The following CACNA2D1 variants were observed in gnomAD, a reference collection of about 807,000 sequenced individuals.
CACNA2D1 encodes the protein voltage-dependent calcium channel subunit alpha-2/delta-1.
Under a neutral mutation model 171.5 loss-of-function variants are expected in CACNA2D1, and 53 were observed. That is an observed-to-expected ratio of 0.31 (90% CI 0.25 to 0.39). CACNA2D1 has a LOEUF of 0.39. Ranked by LOEUF, CACNA2D1 falls within the 10% of genes least tolerant of loss-of-function variation. The probability of loss-of-function intolerance (pLI) is 1.00; values close to 1 mark genes in which losing one functional copy is unlikely to be tolerated. For missense variants in CACNA2D1, 903 were observed against 1,299.8 expected (o/e 0.69, Z 4.69); for synonymous variants, 442 against 443.1 (o/e 1.00, Z 0.03).
At chr7:82,192,860 G>A (rs1032527978) in intron 3 of CACNA2D1, among the ~76,000 whole-genome samples, 4 of 150,654 alleles carry the variant, frequency 2.7e-5, no homozygotes, top group Non-Finnish European at 4.4e-5. Flanking sequence ...GATTGCTCCA[G>A]AATATATTAT....
At chr7:82,405,284 G>GT (rs1826896476) in intron 1 of CACNA2D1, among the ~76,000 whole-genome samples, 1 of 152,082 alleles carries the variant, frequency 6.6e-6, no homozygotes, top group African/African-American at 2.4e-5. Flanking sequence ...CTTTTTAAAT[G>GT]TATGTATCAA....
At chr7:82,094,064 A>G (rs954803565) in intron 6 of CACNA2D1, among the ~76,000 whole-genome samples, 1 of 152,168 alleles carries the variant, frequency 6.6e-6, no homozygotes, top group Non-Finnish European at 1.5e-5. Flanking sequence ...GATATTGTCA[A>G]TGAGGCACAC....
intron 10 of CACNA2D1, among the ~76,000 whole-genome samples, chr7:82,053,696 ATTAT>A (rs575599421): frequency 2.3e-3 from 351 of 152,220 alleles, no homozygotes; most frequent in Non-Finnish European, 4.0e-3. Flanking sequence ...TGTCTTCCTG[ATTAT>A]TTATCTTTTA....
At chr7:82,097,947 C>G (rs1254822780) in intron 6 of CACNA2D1, among the ~76,000 whole-genome samples, 1 of 151,938 alleles carries the variant, frequency 6.6e-6, no homozygotes, top group East Asian at 1.9e-4. Context: ...AACCCTGTCT[C>G]TACTAAAAAT....
At chr7:82,098,386 G>A (rs258665) in intron 6 of CACNA2D1, among the ~76,000 whole-genome samples, 54,340 of 151,970 alleles carry the variant, frequency 0.36, 10,071 homozygotes, top group East Asian at 0.4. Context: ...ATAATATGAA[G>A]GATGTTGAAA....
At chr7:82,234,696 T>G (rs770309756) in intron 3 of CACNA2D1, among the ~76,000 whole-genome samples, 1 of 152,112 alleles carries the variant, frequency 6.6e-6, no homozygotes, top group Non-Finnish European at 1.5e-5. Context: ...CAGATAACAT[T>G]GAAAATAAAA....
intron 29 of CACNA2D1, among the ~76,000 whole-genome samples, chr7:81,968,281 T>C (rs1794915989): frequency 6.6e-6 from 1 of 151,368 alleles, no homozygotes; most frequent in Non-Finnish European, 1.5e-5. Context: ...AAAAAACTAA[T>C]AGCTTTTACT....
At chr7:82,367,227 T>C (rs1303136425) in intron 1 of CACNA2D1, among the ~76,000 whole-genome samples, 3 of 152,200 alleles carry the variant, frequency 2.0e-5, no homozygotes, top group East Asian at 1.9e-4. Context: ...ACTTTTTAAA[T>C]ATCCATTCTG....
intron 28 of CACNA2D1, among the ~76,000 whole-genome samples, chr7:81,969,405 G>C (rs1452301287): frequency 6.6e-6 from 1 of 151,036 alleles, no homozygotes; most frequent in African/African-American, 2.4e-5. Context: ...GGAAAATGAA[G>C]GTAAATACTA....
chr7:82,153,205 T>C (rs1419544691), intron 4 of CACNA2D1, among the ~76,000 whole-genome samples: 8 of 151,898 alleles, frequency 5.3e-5, no homozygotes, highest in East Asian at 1.9e-4. Context: ...AATAACTGTT[T>C]TCCTTTTTGA....
intron 7 of CACNA2D1, among the ~76,000 whole-genome samples, chr7:82,078,674 T>G (rs1809310695): frequency 1.3e-5 from 2 of 152,212 alleles, no homozygotes; most frequent in Admixed American, 1.3e-4. Context: ...ACTGTGGATG[T>G]AGCAAATGCT....
At chr7:82,005,210 G>A (rs1303437728) in intron 18 of CACNA2D1, 2 of 523,014 alleles carry the variant, frequency 3.8e-6, no homozygotes, top group Admixed American at 3.4e-5. Flanking sequence ...AGATAAAAAT[G>A]TTGCAGCTAA....
intron 6 of CACNA2D1, among the ~76,000 whole-genome samples, chr7:82,110,177 G>A (rs955606676): frequency 9.2e-5 from 14 of 152,038 alleles, no homozygotes; most frequent in South Asian, 2.1e-4. Flanking sequence ...AAAACATCCC[G>A]CAGCTTTCCA....
intron 3 of CACNA2D1, among the ~76,000 whole-genome samples, chr7:82,181,046 T>TA (rs1797083936): frequency 1.1e-5 from 1 of 89,766 alleles, no homozygotes; most frequent in Non-Finnish European, 2.2e-5. Context: ...GTCGGATTTT[T>TA]TTTTTTTTTT....
intron 6 of CACNA2D1, among the ~76,000 whole-genome samples, chr7:82,104,362 A>G (rs1813061836): frequency 6.6e-6 from 1 of 152,034 alleles, no homozygotes; most frequent in African/African-American, 2.4e-5. Context: ...CTGATAAATA[A>G]AATTAGACTG....
chr7:82,061,660 G>A (rs534225107), intron 9 of CACNA2D1, among the ~76,000 whole-genome samples: 12 of 152,230 alleles, frequency 7.9e-5, no homozygotes, highest in African/African-American at 2.6e-4. Context: ...AATTGATGCC[G>A]GGCCAGTCAT....
chr7:81,951,737 G>A (rs192137851), intron 38 of CACNA2D1, among the ~76,000 whole-genome samples: 5 of 151,930 alleles, frequency 3.3e-5, no homozygotes, highest in Admixed American at 3.3e-4. Context: ...TTAATCATTG[G>A]TTGATGGACA....
At position 82,012,253 on chromosome 7, in the gene CACNA2D1, G is replaced by T; in HGVS notation, c.1273-10C>A. The T allele has an allele frequency of 7.7e-7, 1 of 1,297,800 alleles. No homozygotes were observed. The highest frequency in any genetic ancestry group is 1.3e-5 in the South Asian group (1 of 76,624). The allele number at this position is 1,297,800 out of a possible 1,614,324, so 80.4% of individuals were successfully genotyped here. Reference sequence around the variant, plus strand: ...AAACATCCAAATATTCCTGTTTATGGGAAAAAAAAAAAAAGTCGTGGTTAA... The same window carrying T: ...AAACATCCAAATATTCCTGTTTATGTGAAAAAAAAAAAAAGTCGTGGTTAA... On this transcript the variant is annotated splice_polypyrimidine_tract_variant and intron_variant, in intron 14 of 38. Transcript: ENST00000356860.
intron 3 of CACNA2D1, among the ~76,000 whole-genome samples, chr7:82,188,348 G>A (rs1797973150): frequency 6.6e-6 from 1 of 152,048 alleles, no homozygotes; most frequent in Non-Finnish European, 1.5e-5. Context: ...TGTAATATCT[G>A]GTAGGTGAGA....
Sources: allele counts gnomAD v4.1 joint callset (sites outside exome capture counted in the v4.1 genomes callset), GRCh38; gene constraint gnomAD v4.1.1; transcripts MANE v1.5; gene names NCBI Gene and HGNC (gene_info 2026-07-23, HGNC 2026-07-21).